The following NSMCE1 variants were observed in gnomAD, a reference collection of about 807,000 sequenced individuals.
NSMCE1 encodes non-structural maintenance of chromosomes element 1 homolog.
NSMCE1 carries 18 observed loss-of-function variants against 29.6 expected under a neutral mutation model. The ratio of observed to expected loss-of-function variants is 0.61; its 90% CI spans 0.42 to 0.90. NSMCE1 has a LOEUF of 0.90. NSMCE1 is among the 40% of genes least tolerant of loss of function. The probability of loss-of-function intolerance (pLI) is 0.00; values close to 1 mark genes in which losing one functional copy is unlikely to be tolerated. For missense variants in NSMCE1, 314 were observed against 343.6 expected (o/e 0.91, Z 0.68); for synonymous variants, 124 against 133.4 (o/e 0.93, Z 0.49).
intron 1 of NSMCE1, chr16:27,266,505 T>C (rs947141570): frequency 6.6e-6 from 1 of 152,160 alleles, no homozygotes; most frequent in Non-Finnish European, 1.5e-5. Context: ...TAATCCCAGC[T>C]ACTCAGAAGG....
Position 27,235,305 on chromosome 16 carries a change from A to G in NSMCE1, c.137-6T>C. On this transcript the variant is annotated splice_polypyrimidine_tract_variant and splice_region_variant and intron_variant, in intron 2 of 7. Coordinates refer to ENST00000361439, the MANE Select transcript of NSMCE1 (RefSeq NM_145080.4). ...CTTATCTACGGTGGCATTGCCTGGA[A>G]ATAAACAGACCAAAAAAAGGGGGGT... is the stretch of plus-strand genomic sequence containing the variant. The G allele has an allele frequency of 6.2e-7, 1 of 1,612,736 alleles. No individual in the cohort carries two copies. Among genetic ancestry groups the G allele is most frequent in the Non-Finnish European group, 8.5e-7 (1 of 1,179,856 alleles).
chr16:27,226,451 A>T, intron 6 of NSMCE1: 1 of 443,006 alleles, frequency 2.3e-6, no homozygotes, highest in South Asian at 3.1e-5. Flanking sequence ...TGCACAGAAC[A>T]CTCAGCCTTC....
chr16:27,256,746 T>C (rs1260349749), intron 2 of NSMCE1, among the ~76,000 whole-genome samples: 1 of 152,194 alleles, frequency 6.6e-6, no homozygotes, highest in Non-Finnish European at 1.5e-5. Flanking sequence ...CCCCTCCCAG[T>C]GGCCCCGTAA....
intron 2 of NSMCE1, among the ~76,000 whole-genome samples, chr16:27,236,988 A>G (rs1383340839): frequency 1.3e-5 from 2 of 152,138 alleles, no homozygotes; most frequent in Non-Finnish European, 2.9e-5. Context: ...GCTGGTGACA[A>G]TGGAGGATGT....
intron 1 of NSMCE1, chr16:27,266,591 T>C (rs529992898): frequency 6.6e-6 from 1 of 151,852 alleles, no homozygotes; most frequent in African/African-American, 2.4e-5. Context: ...CACTCTAGCC[T>C]GGGCGACAGG....
At chr16:27,244,174 T>G (rs1242591178) in intron 2 of NSMCE1, among the ~76,000 whole-genome samples, 3 of 152,192 alleles carry the variant, frequency 2.0e-5, no homozygotes, top group Admixed American at 2.0e-4. Flanking sequence ...TGGAGCAAGC[T>G]CTAAATAAGC....
intron 2 of NSMCE1, among the ~76,000 whole-genome samples, chr16:27,251,969 G>A (rs1219104286): frequency 6.6e-6 from 1 of 150,882 alleles, no homozygotes; most frequent in African/African-American, 2.4e-5. Flanking sequence ...TCAACGCAGG[G>A]AGGCTGCCTA....
intron 2 of NSMCE1, among the ~76,000 whole-genome samples, chr16:27,244,835 C>T (rs1567278819): frequency 6.6e-6 from 1 of 152,236 alleles, no homozygotes; most frequent in Non-Finnish European, 1.5e-5. Flanking sequence ...TCTGCTCATC[C>T]TATTCACCAC....
chr16:27,247,667 CT>C (rs764578547), intron 2 of NSMCE1, among the ~76,000 whole-genome samples: 35 of 152,184 alleles, frequency 2.3e-4, no homozygotes, highest in Admixed American at 3.9e-4. Flanking sequence ...TGGCTCACAC[CT>C]GTAATCCCAG....
At chr16:27,241,617 T>C (rs2083895403) in intron 2 of NSMCE1, 1 of 174,786 alleles carries the variant, frequency 5.7e-6, no homozygotes, top group African/African-American at 2.4e-5. Context: ...CTCTGGACCT[T>C]CAGGCACACA....
At chr16:27,245,537 A>G (rs1054723733) in intron 2 of NSMCE1, among the ~76,000 whole-genome samples, 4 of 152,252 alleles carry the variant, frequency 2.6e-5, no homozygotes, top group Non-Finnish European at 5.9e-5. Context: ...CCCAGGCTGC[A>G]GACATGAAGA....
intron 1 of NSMCE1, among the ~76,000 whole-genome samples, chr16:27,267,126 G>A (rs2141014661): frequency 6.6e-6 from 1 of 151,778 alleles, no homozygotes; most frequent in South Asian, 2.1e-4. Context: ...CCTTTTCGAA[G>A]GCTTTTGAAG....
intron 1 of NSMCE1, among the ~76,000 whole-genome samples, chr16:27,259,411 G>A (rs2084129133): frequency 6.6e-6 from 1 of 152,176 alleles, no homozygotes. Flanking sequence ...GTATTTGCCA[G>A]TGGTTGTTCT....
chr16:27,261,674 A>G (rs2084159234), intron 1 of NSMCE1, among the ~76,000 whole-genome samples: 1 of 152,188 alleles, frequency 6.6e-6, no homozygotes, highest in East Asian at 1.9e-4. Context: ...ACACAATCGC[A>G]GCGCCAGAAA....
chr16:27,237,678 C>T (rs1254033307), intron 2 of NSMCE1, among the ~76,000 whole-genome samples: 1 of 152,208 alleles, frequency 6.6e-6, no homozygotes, highest in Non-Finnish European at 1.5e-5. Flanking sequence ...CGAGGCCCCT[C>T]CTGGGTATCA....
intron 1 of NSMCE1, among the ~76,000 whole-genome samples, chr16:27,265,161 C>CATT (rs2084208637): frequency 1.2e-5 from 1 of 82,672 alleles, no homozygotes; most frequent in Non-Finnish European, 2.2e-5. Flanking sequence ...AATTCTTTTC[C>CATT]TTTTTTTTTT....
Position 27,225,861 on chromosome 16 carries a change from G to T in NSMCE1, c.601-15C>A. The T allele has an allele frequency of 6.2e-7, 1 of 1,613,454 alleles. No individual in the cohort carries two copies. Among genetic ancestry groups the T allele is most frequent in the Admixed American group, 1.7e-5 (1 of 60,020 alleles). ...CAGCTTTGACCCTGAAACAGGAAAG[G>T]CCAATGACGGCGGAGCTGGTGCACA... is the stretch of plus-strand genomic sequence containing the variant. On this transcript the variant is annotated splice_polypyrimidine_tract_variant and intron_variant, in intron 6 of 7. Coordinates refer to ENST00000361439, the MANE Select transcript of NSMCE1 (RefSeq NM_145080.4).
intron 2 of NSMCE1, chr16:27,241,596 G>A (rs915751049): frequency 1.1e-5 from 2 of 176,442 alleles, no homozygotes; most frequent in African/African-American, 4.7e-5. Context: ...AACCGCCTGG[G>A]GAAAAAGATT....
At chr16:27,235,323 A>AG (rs771486196) in intron 2 of NSMCE1, 24 bp from the exon 3 acceptor site, 2 of 1,609,682 alleles carry the variant, frequency 1.2e-6, no homozygotes, top group Non-Finnish European at 1.7e-6. Flanking sequence ...GACCAAAAAA[A>AG]GGGGGGTGAC....
Sources: gnomAD v4.1 joint callset for allele counts (sites outside exome capture counted in the v4.1 genomes callset) on GRCh38, gnomAD v4.1.1 for gene constraint, MANE v1.5 for transcripts, NCBI Gene and HGNC (gene_info 2026-07-23, HGNC 2026-07-21) for gene names.